The following SLC24A3 variants were observed in gnomAD, a reference collection of about 807,000 sequenced individuals.
The protein encoded by SLC24A3 is solute carrier family 24 member 3.
Under a neutral mutation model 75.8 loss-of-function variants are expected in SLC24A3, and 28 were observed. The ratio of observed to expected loss-of-function variants is 0.37; its 90% CI spans 0.27 to 0.51. The LOEUF (loss-of-function observed/expected upper bound fraction) is 0.51, where lower values mean the gene tolerates loss of function less well. Among genes scored for constraint, SLC24A3 ranks in the 20% least tolerant of loss-of-function variants. SLC24A3 has a pLI of 0.94. For synonymous variants in SLC24A3, 372 were observed against 334.1 expected, an observed-to-expected ratio of 1.11 and a Z score of -1.24; for missense variants, 663 against 847.8, an observed-to-expected ratio of 0.78 and a Z score of 2.71.
chr20:19,302,247 G>A (rs1984213644), intron 2 of SLC24A3, among the ~76,000 whole-genome samples: 3 of 152,202 alleles, frequency 2.0e-5, no homozygotes. Context: ...GCAGGGGCTG[G>A]GGCTGTTTTG....
At chr20:19,522,349 T>C (rs921595751) in intron 3 of SLC24A3, among the ~76,000 whole-genome samples, 1 of 152,164 alleles carries the variant, frequency 6.6e-6, no homozygotes, top group Admixed American at 6.5e-5. Context: ...ACAAGCAGGA[T>C]GTATAGAAGG....
At chr20:19,427,503 A>G (rs922328951) in intron 2 of SLC24A3, among the ~76,000 whole-genome samples, 23 of 152,358 alleles carry the variant, frequency 1.5e-4, no homozygotes, top group African/African-American at 5.5e-4. Flanking sequence ...TGACTTTTCA[A>G]ATACCATTTG....
intron 10 of SLC24A3, among the ~76,000 whole-genome samples, chr20:19,683,715 G>A (rs2032640399): frequency 6.6e-6 from 1 of 152,172 alleles, no homozygotes; most frequent in African/African-American, 2.4e-5. Context: ...TCTGAATGGT[G>A]GGAAAAGAAT....
At chr20:19,422,518 C>G (rs1986934706) in intron 2 of SLC24A3, among the ~76,000 whole-genome samples, 1 of 152,184 alleles carries the variant, frequency 6.6e-6, no homozygotes, top group African/African-American at 2.4e-5. Context: ...GGCTATCCTG[C>G]TCTCAACATC....
At chr20:19,638,951 G>A (rs999354582) in intron 6 of SLC24A3, among the ~76,000 whole-genome samples, 1 of 152,132 alleles carries the variant, frequency 6.6e-6, no homozygotes, top group Non-Finnish European at 1.5e-5. Flanking sequence ...GTGAGCAGTA[G>A]CAAGACTCAT....
At chr20:19,292,979 C>G (rs1250674416) in intron 2 of SLC24A3, among the ~76,000 whole-genome samples, 1 of 152,112 alleles carries the variant, frequency 6.6e-6, no homozygotes, top group Non-Finnish European at 1.5e-5. Context: ...TAATCATCTT[C>G]CCAAAGGTCT....
At chr20:19,436,963 G>A (rs940972664) in intron 2 of SLC24A3, among the ~76,000 whole-genome samples, 1 of 152,208 alleles carries the variant, frequency 6.6e-6, no homozygotes, top group South Asian at 2.1e-4. Flanking sequence ...GGGGCTAGGT[G>A]TACCCACGAA....
At chr20:19,679,249 C>A (rs1038436301) in intron 9 of SLC24A3, among the ~76,000 whole-genome samples, 2 of 152,176 alleles carry the variant, frequency 1.3e-5, no homozygotes, top group African/African-American at 4.8e-5. Flanking sequence ...GTCTGCAATC[C>A]CAGCACCTCC....
At chr20:19,321,163 A>T (rs532939721) in intron 2 of SLC24A3, among the ~76,000 whole-genome samples, 2 of 152,302 alleles carry the variant, frequency 1.3e-5, no homozygotes, top group East Asian at 3.9e-4. Context: ...GCAGAAAGAC[A>T]TCATGACTCT....
At chr20:19,419,509 C>A (rs1285409519) in intron 2 of SLC24A3, among the ~76,000 whole-genome samples, 1 of 152,058 alleles carries the variant, frequency 6.6e-6, no homozygotes, top group Non-Finnish European at 1.5e-5. Flanking sequence ...TGATACAGAG[C>A]CTCTAAGCAA....
chr20:19,539,539 C>T (rs1043156539), intron 3 of SLC24A3, among the ~76,000 whole-genome samples: 2 of 152,042 alleles, frequency 1.3e-5, no homozygotes, highest in Non-Finnish European at 2.9e-5. Context: ...TTATTTTTGC[C>T]GTTATTTTCT....
intron 9 of SLC24A3, among the ~76,000 whole-genome samples, chr20:19,674,458 G>A (rs940920047): frequency 4.6e-5 from 7 of 152,144 alleles, no homozygotes; most frequent in Admixed American, 2.6e-4. Context: ...CTTGACTGGC[G>A]GGCTGTTTCT....
chr20:19,603,923 G>A (rs187421242), intron 6 of SLC24A3, among the ~76,000 whole-genome samples: 107 of 152,292 alleles, frequency 7.0e-4, no homozygotes, highest in African/African-American at 2.2e-3. Flanking sequence ...CATCATTCAC[G>A]TGTCTCTGTA....
At chr20:19,576,586 T>A (rs888355873) in intron 3 of SLC24A3, among the ~76,000 whole-genome samples, 7 of 152,108 alleles carry the variant, frequency 4.6e-5, no homozygotes, top group African/African-American at 1.7e-4. Flanking sequence ...ACAGTGAGCA[T>A]CCCCGCCTCA....
At chr20:19,501,670 G>A (rs145547462) in intron 2 of SLC24A3, among the ~76,000 whole-genome samples, 64 of 152,324 alleles carry the variant, frequency 4.2e-4, no homozygotes, top group African/African-American at 1.5e-3. Flanking sequence ...CATTAGAACT[G>A]CCACAGATGC....
chr20:19,578,707 T>C (rs987431057), intron 3 of SLC24A3, among the ~76,000 whole-genome samples: 1 of 152,118 alleles, frequency 6.6e-6, no homozygotes, highest in African/African-American at 2.4e-5. Context: ...ATGTCACTGC[T>C]GAGGGTGCTA....
chr20:19,670,326 G>C (rs1160098471), intron 8 of SLC24A3, among the ~76,000 whole-genome samples: 4 of 152,062 alleles, frequency 2.6e-5, no homozygotes, highest in African/African-American at 7.2e-5. Flanking sequence ...GAGCCCACTG[G>C]GTTCAATGGG....
At chr20:19,602,763 A>G (rs902009953) in intron 6 of SLC24A3, among the ~76,000 whole-genome samples, 2 of 152,144 alleles carry the variant, frequency 1.3e-5, no homozygotes, top group African/African-American at 4.8e-5. Context: ...CTCTGTCCAG[A>G]GGAGGCCTGT....
intron 7 of SLC24A3, among the ~76,000 whole-genome samples, chr20:19,660,640 C>T (rs765728708): frequency 1.8e-4 from 27 of 152,176 alleles, no homozygotes; most frequent in Non-Finnish European, 2.6e-4. Flanking sequence ...TTCTTTTCTT[C>T]GGGGTAGATA....
Sources: allele counts gnomAD v4.1 joint callset (sites outside exome capture counted in the v4.1 genomes callset), GRCh38; gene constraint gnomAD v4.1.1; transcripts MANE v1.5; gene names NCBI Gene and HGNC (gene_info 2026-07-23, HGNC 2026-07-21).